The following PTPRE variants were observed in gnomAD, a reference collection of about 807,000 sequenced individuals.
PTPRE encodes the protein protein tyrosine phosphatase receptor type E, also known as receptor-type tyrosine-protein phosphatase epsilon.
Under a neutral mutation model 102.0 loss-of-function variants are expected in PTPRE, and 51 were observed. The ratio of observed to expected loss-of-function variants is 0.50; its 90% CI spans 0.40 to 0.63. The LOEUF (loss-of-function observed/expected upper bound fraction) is 0.63. Among genes scored for constraint, PTPRE ranks in the 30% least tolerant of loss-of-function variants. The pLI is 0.00. For missense variants in PTPRE, 752 were observed against 915.1 expected (o/e 0.82, Z 2.30); for synonymous variants, 345 against 348.2 (o/e 0.99, Z 0.10).
In PTPRE at chr10:128,049,555, C is replaced by A; in HGVS notation, c.309C>A (p.Ser103Arg). The A allele has an allele frequency of 6.2e-7, 1 of 1,613,976 alleles. No homozygotes were observed. Among genetic ancestry groups the A allele is most frequent in the Non-Finnish European group, 8.5e-7 (1 of 1,180,014 alleles). Residue 103 changes from serine to arginine, a missense_variant, in exon 6 of 21, where the codon AGC (serine) becomes AGA (arginine). Coordinates refer to ENST00000254667, the MANE Select transcript of PTPRE (RefSeq NM_006504.6). ...AGCAGCAAAGGGTGATGCTGCTCAG[C>A]AGGTCACCCTCAGGGCCCAAGAAGT... is the stretch of plus-strand genomic sequence containing the variant. The part of the protein sequence containing the change: ...EQEQQRVMLL[S>R]RSPSGPKKYF...
chr10:128,036,911 C>T (rs1326320700), intron 2 of PTPRE, among the ~76,000 whole-genome samples: 1 of 152,186 alleles, frequency 6.6e-6, no homozygotes. Context: ...GGCTCCTGGA[C>T]CACTCTCCGG....
In PTPRE at chr10:128,028,963, C is replaced by T. The variant is rs1474594313; in HGVS notation, c.-7-11912C>T. 6.6e-6 allele frequency among the ~76,000 whole-genome samples: 1 copy of T among 152,198 alleles called. No individual in the cohort carries two copies. Among genetic ancestry groups the T allele is most frequent in the South Asian group, 2.1e-4 (1 of 4,834 alleles). ...GCTCAGGGTCCCCCCAGAGGCCTCC[C>T]GCTGGGATTTGTCTCCACTTTGCAG... is the stretch of plus-strand genomic sequence containing the variant. On this transcript the variant is annotated intron_variant, in intron 2 of 20. Coordinates refer to ENST00000254667, the MANE Select transcript of PTPRE (RefSeq NM_006504.6). This position sits in a 1 kb window ranked among gnomAD's most constrained non-coding sequence, Gnocchi z 4.5.
intron 2 of PTPRE, among the ~76,000 whole-genome samples, chr10:128,038,411 T>C (rs928587288): frequency 2.6e-5 from 4 of 152,186 alleles, no homozygotes; most frequent in Non-Finnish European, 5.9e-5. Context: ...CCAACCCAAA[T>C]GTCCAACAAT....
chr10:127,991,493 TA>T (rs1237918036), intron 2 of PTPRE, among the ~76,000 whole-genome samples: 1 of 152,334 alleles, frequency 6.6e-6, no homozygotes, highest in East Asian at 1.9e-4. Context: ...TAACCTGACC[TA>T]GGCTCTTAAG....
chr10:128,069,511 C>T (rs1484641234), intron 12 of PTPRE, 181 bp from the exon 13 acceptor site: 4 of 741,462 alleles, frequency 5.4e-6, no homozygotes, highest in East Asian at 2.6e-5. Context: ...GAGGACCGGC[C>T]TGAGATCACT....
intron 2 of PTPRE, among the ~76,000 whole-genome samples, chr10:127,994,142 G>A (rs1201173336): frequency 6.6e-6 from 1 of 152,176 alleles, no homozygotes; most frequent in African/African-American, 2.4e-5. Context: ...TCTGAGTGAG[G>A]GCCTGAGCAC....
At position 128,082,206 on chromosome 10, in the gene PTPRE, T is replaced by C. The variant is rs1327164103; in HGVS notation, c.2029-626T>C. ...ATTTTTTTCTCTTTCTTTTTTTTTT[T>C]TTTTTTTTTTTTTTTTTGAGACAGG... is the stretch of plus-strand genomic sequence containing the variant. On this transcript the variant is annotated intron_variant, in intron 20 of 20. Transcript: ENST00000254667. Among the ~76,000 whole-genome samples, 233 of 128,030 alleles carry C rather than the reference T, an allele frequency of 1.8e-3. 10 individuals carry two copies. Among genetic ancestry groups the C allele is most frequent in the South Asian group, 0.011 (44 of 3,858 alleles). The allele number at this position is 128,030 out of a possible 152,430, so 84.0% of individuals were successfully genotyped here. A position where few individuals can be genotyped will look rare whatever the true frequency, so the allele number is the denominator to read the frequency against.
Position 128,085,232 on chromosome 10 carries a change from G to C in PTPRE, c.*2326G>C, listed in dbSNP as rs1279062393. ...GGCCTTGGAGCACCTCACGCTGGGGGAATCAATCCCTGAGGGACTCAGAAT... is the reference window on the plus strand; with the variant it reads ...GGCCTTGGAGCACCTCACGCTGGGGCAATCAATCCCTGAGGGACTCAGAAT... On this transcript the variant is annotated 3_prime_UTR_variant, in exon 21 of 21. Transcript: ENST00000254667. 2.6e-6 allele frequency: 1 copy of C among 378,108 alleles called. No homozygotes were observed. The highest frequency in any genetic ancestry group is 5.4e-6 in the Non-Finnish European group (1 of 186,180). The allele number at this position is 378,108 out of a possible 1,614,324, so 23.4% of individuals were successfully genotyped here.
intron 2 of PTPRE, chr10:127,999,730 A>T (rs937465045): frequency 8.1e-6 from 8 of 984,864 alleles, no homozygotes; most frequent in Non-Finnish European, 9.6e-6. Context: ...CTCTCCTGTA[A>T]ATTTCTCCCT....
chr10:128,059,683 C>T (rs959429606), intron 7 of PTPRE, among the ~76,000 whole-genome samples: 1 of 152,170 alleles, frequency 6.6e-6, no homozygotes, highest in Non-Finnish European at 1.5e-5. Flanking sequence ...GCCGGACGTT[C>T]CTGGGAAAGG....
chr10:128,031,954 A>G (rs11591736), intron 2 of PTPRE, among the ~76,000 whole-genome samples: 67,176 of 151,300 alleles, frequency 0.44, 15,401 homozygotes, highest in East Asian at 0.62. Flanking sequence ...TCTGCTTGCT[A>G]TCCCTGTGTC....
At chr10:128,067,505 C>T (rs1183714630) in intron 11 of PTPRE, among the ~76,000 whole-genome samples, 6 of 152,134 alleles carry the variant, frequency 3.9e-5, no homozygotes, top group Non-Finnish European at 8.8e-5. Context: ...CATTCACCCA[C>T]ACATACATGC....
At chr10:127,919,526 T>C (rs575398107) in intron 1 of PTPRE, among the ~76,000 whole-genome samples, 29 of 152,274 alleles carry the variant, frequency 1.9e-4, no homozygotes, top group African/African-American at 7.0e-4. Context: ...TATCCCTCCT[T>C]CCTGTGCCTG....
chr10:128,023,665 CG>C (rs1315011786), intron 2 of PTPRE, among the ~76,000 whole-genome samples: 1 of 152,162 alleles, frequency 6.6e-6, no homozygotes, highest in Non-Finnish European at 1.5e-5. Flanking sequence ...CACAGATAAG[CG>C]GGGAACTGCT....
At chr10:128,079,431 C>A in intron 19 of PTPRE, 129 bp from the exon 20 acceptor site, 2 of 1,243,436 alleles carry the variant, frequency 1.6e-6, no homozygotes, top group South Asian at 1.6e-5. Context: ...AAAAAAAATT[C>A]AGTCAAACTC....
At position 128,049,531 on chromosome 10, in the gene PTPRE, G is replaced by A; in HGVS notation, c.285G>A (p.Glu95=). The A allele has an allele frequency of 6.2e-7, 1 of 1,613,852 alleles. No homozygotes were observed. Among genetic ancestry groups the A allele is most frequent in the Non-Finnish European group, 8.5e-7 (1 of 1,180,008 alleles). Residue 95 remains glutamate (E), a splice_region_variant and synonymous_variant, in exon 6 of 21, where the codon GAG becomes GAA. Transcript: ENST00000254667. ...CCCATGTTTCTTTTGATCCCACAGA[G>A]CAGCAAAGGGTGATGCTGCTCAGCA... is the stretch of plus-strand genomic sequence containing the variant. ...KMPNGILEEQ[E]QQRVMLLSRS... is the part of the protein sequence containing the mutation.
intron 2 of PTPRE, among the ~76,000 whole-genome samples, chr10:128,037,754 T>C (rs1847333895): frequency 6.6e-6 from 1 of 152,326 alleles, no homozygotes; most frequent in Non-Finnish European, 1.5e-5. Context: ...ACTCAGCATT[T>C]GGTAGGCTCA....
At chr10:127,926,936 C>G (rs1430375692) in intron 1 of PTPRE, among the ~76,000 whole-genome samples, 1 of 150,570 alleles carries the variant, frequency 6.6e-6, no homozygotes, top group Admixed American at 6.7e-5. Flanking sequence ...CTCAGCCTCC[C>G]AAGTAGCTGG....
intron 2 of PTPRE, among the ~76,000 whole-genome samples, chr10:128,030,113 C>T (rs775400222): frequency 5.1e-4 from 78 of 152,236 alleles, no homozygotes; most frequent in Non-Finnish European, 9.3e-4. Flanking sequence ...GCTTCCCTCA[C>T]CCCTCCGAGG....
Sources: gnomAD v4.1 joint callset for allele counts (sites outside exome capture counted in the v4.1 genomes callset) on GRCh38, gnomAD v4.1.1 for gene constraint, Gnocchi (gnomAD v3.1) non-coding constraint, MANE v1.5 for transcripts, NCBI Gene and HGNC (gene_info 2026-07-23, HGNC 2026-07-21) for gene names.